The following ACADSB variants were observed in gnomAD, a reference collection of about 807,000 sequenced individuals.
The protein encoded by ACADSB is acyl-CoA dehydrogenase short/branched chain, also known as short/branched chain specific acyl-CoA dehydrogenase, mitochondrial.
ACADSB carries 40 observed loss-of-function variants against 54.1 expected under a neutral mutation model. The observed-to-expected ratio is 0.74, with a 90% CI of 0.57 to 0.96. The LOEUF (loss-of-function observed/expected upper bound fraction) is 0.96, where lower values mean the gene tolerates loss of function less well. Ranked by LOEUF, ACADSB falls within the 40% of genes least tolerant of loss-of-function variation. The pLI is 0.00. For synonymous variants in ACADSB, 182 were observed against 182.8 expected, an observed-to-expected ratio of 1.00 and a Z score of 0.03; for missense variants, 530 against 510.4, an observed-to-expected ratio of 1.04 and a Z score of -0.37.
In ACADSB at chr10:123,037,029, G is replaced by C. The variant is rs887190756; in HGVS notation, c.203-718G>C. ...TAAAAACATTAAAAAATGAAACAGC[G>C]GTTTTCAGTGGGGGCAAGTTTGCCC... On this transcript the variant is annotated intron_variant, in intron 2 of 10. Transcript: ENST00000358776. 2.0e-5 allele frequency among the ~76,000 whole-genome samples: 3 copies of C among 152,314 alleles called. No individual in the cohort carries two copies. The South Asian group carries it at 6.2e-4, about 32-fold the overall frequency.
At chr10:123,022,656 A>G (rs567360843) in intron 1 of ACADSB, among the ~76,000 whole-genome samples, 2 of 152,374 alleles carry the variant, frequency 1.3e-5, no homozygotes, top group African/African-American at 4.8e-5. Context: ...TTTCTGGCAT[A>G]TTCTGTATTC....
intron 1 of ACADSB, among the ~76,000 whole-genome samples, chr10:123,011,204 ATTTACTCACTTATTG>A (rs1369777956): frequency 6.6e-6 from 1 of 152,170 alleles, no homozygotes; most frequent in African/African-American, 2.4e-5. Flanking sequence ...GAAAGCTAGC[ATTTACTCACTTATTG>A]TAGACCAGGG....
At chr10:123,039,548 G>A (rs773068817) in intron 3 of ACADSB, among the ~76,000 whole-genome samples, 2 of 152,188 alleles carry the variant, frequency 1.3e-5, no homozygotes, top group Non-Finnish European at 2.9e-5. Context: ...GGCTAGTGTG[G>A]CTCTAGCAAA....
chr10:123,009,222 T>G (rs984095198), intron 1 of ACADSB, 151 bp downstream of exon 1: 4 of 893,100 alleles, frequency 4.5e-6, no homozygotes, highest in Non-Finnish European at 6.8e-6. Flanking sequence ...GCGGGCAGTC[T>G]ATGACCCCGA....
chr10:123,042,457 CTTTT>C (rs60480402), intron 5 of ACADSB, among the ~76,000 whole-genome samples: 1 of 115,792 alleles, frequency 8.6e-6, no homozygotes, highest in Non-Finnish European at 1.7e-5. Flanking sequence ...ATTGTTAAAA[CTTTT>C]TTTTTTTTTT....
chr10:123,056,722 T>C lies in ACADSB; in HGVS notation c.*2957T>C, dbSNP rs115456304. The stretch of plus-strand genomic sequence containing the variant: ...TTGCTTAGAATAATCATTACTGTTA[T>C]ATGAGAAACATTTTAGTAATTTAAT... On this transcript the variant is annotated 3_prime_UTR_variant, in exon 11 of 11. Transcript: ENST00000358776. 6.6e-6 allele frequency: 1 copy of C among 152,230 alleles called. No individual in the cohort carries two copies. The highest frequency in any genetic ancestry group is 1.5e-5 in the Non-Finnish European group (1 of 68,046). The allele number at this position is 152,230 out of a possible 1,614,324, so 9.4% of individuals were successfully genotyped here. A position where few individuals can be genotyped will look rare whatever the true frequency, so the allele number is the denominator to read the frequency against.
chr10:123,037,907 A>G (rs1467547412), intron 3 of ACADSB, 60 bp downstream of exon 3: 2 of 1,206,742 alleles, frequency 1.7e-6, no homozygotes, highest in Non-Finnish European at 2.5e-6. Context: ...GACTGTAATG[A>G]TAGCATAATG....
rs1850572312 is a variant in ACADSB at position 123,047,205 on chromosome 10, A to C, written c.901-4A>C. On this transcript the variant is annotated splice_polypyrimidine_tract_variant and splice_region_variant and intron_variant, in intron 7 of 10. Coordinates refer to ENST00000358776, the MANE Select transcript of ACADSB (RefSeq NM_001609.4). ...ATTCTGATCTTATTTTTTTGTTTTA[A>C]CAGATGCTGGGACTGGCGCAAGGAT... 6.3e-7 allele frequency: 1 copy of C among 1,597,244 alleles called. No homozygotes were observed. The highest frequency in any genetic ancestry group is 8.6e-7 in the Non-Finnish European group (1 of 1,164,616).
At chr10:123,043,515 A>G (rs1850504818) in intron 6 of ACADSB, among the ~76,000 whole-genome samples, 1 of 152,210 alleles carries the variant, frequency 6.6e-6, no homozygotes, top group South Asian at 2.1e-4. Context: ...TCAGTGCACT[A>G]AAGGCCACAA....
intron 5 of ACADSB, among the ~76,000 whole-genome samples, chr10:123,042,535 A>G (rs1047317885): frequency 6.6e-5 from 9 of 136,966 alleles, no homozygotes; most frequent in African/African-American, 2.8e-5. Context: ...ATCCCAGCTC[A>G]CTGCAACCTC....
intron 1 of ACADSB, among the ~76,000 whole-genome samples, chr10:123,026,885 G>C (rs566252111): frequency 6.6e-6 from 1 of 152,066 alleles, no homozygotes; most frequent in Non-Finnish European, 1.5e-5. Flanking sequence ...AAAGAAACAG[G>C]TTGCCTATGG....
At chr10:123,014,614 C>T (rs1003333173) in intron 1 of ACADSB, among the ~76,000 whole-genome samples, 31 of 152,342 alleles carry the variant, frequency 2.0e-4, no homozygotes, top group African/African-American at 7.2e-4. Flanking sequence ...TGTAGGTTTA[C>T]AACAGGGTTC....
chr10:123,047,104 C>T, intron 7 of ACADSB, 105 bp from the exon 8 acceptor site: 1 of 930,804 alleles, frequency 1.1e-6, no homozygotes. Context: ...TCCAGTTCTT[C>T]CCCTGCCCCA....
Position 123,025,332 on chromosome 10 carries a change from T to C in ACADSB, c.43-9024T>C, listed in dbSNP as rs149313758. Among the ~76,000 whole-genome samples, 236 of 151,946 alleles carry C rather than the reference T, an allele frequency of 1.6e-3. 2 individuals carry two copies. Among genetic ancestry groups the C allele is most frequent in the African/African-American group, 5.5e-3 (228 of 41,446 alleles). The stretch of plus-strand genomic sequence containing the variant: ...ACAACAAAAAATTAGCTGGGAATGG[T>C]GTGCACGTATAGTCCCAGCTACTTG... On this transcript the variant is annotated intron_variant, in intron 1 of 10. Coordinates refer to ENST00000358776, the MANE Select transcript of ACADSB (RefSeq NM_001609.4).
intron 7 of ACADSB, 57 bp downstream of exon 7, chr10:123,044,542 A>C: frequency 7.3e-7 from 1 of 1,361,248 alleles, no homozygotes; most frequent in Non-Finnish European, 1.0e-6. Flanking sequence ...GAAAAGAAAA[A>C]AATGCAATGA....
intron 7 of ACADSB, among the ~76,000 whole-genome samples, chr10:123,046,115 C>T (rs2133486953): frequency 6.6e-6 from 1 of 152,300 alleles, no homozygotes; most frequent in Admixed American, 6.5e-5. Flanking sequence ...GGTATAGTGA[C>T]ATCATCTTAT....
intron 1 of ACADSB, among the ~76,000 whole-genome samples, chr10:123,020,427 G>A (rs1244496640): frequency 2.0e-5 from 3 of 152,120 alleles, no homozygotes; most frequent in Admixed American, 1.3e-4. Flanking sequence ...GCCAACTCTG[G>A]GATTCCAAAT....
intron 8 of ACADSB, among the ~76,000 whole-genome samples, chr10:123,049,038 G>A (rs189663007): frequency 2.2e-4 from 34 of 152,284 alleles, no homozygotes; most frequent in African/African-American, 8.2e-4. Context: ...TAAAAATTTT[G>A]TGGGTACACA....
chr10:123,053,169 A>ATT lies in ACADSB; in HGVS notation c.1228+20_1228+21dup. Reference sequence around the variant, plus strand: ...CCGAGATGCAAAGATTGGTAAATAGATTTTTTTTTTTTACATTTTATTTTG... The same window carrying ATT: ...CCGAGATGCAAAGATTGGTAAATAGATTTTTTTTTTTTTTACATTTTATTTTG... On this transcript the variant is annotated intron_variant, in intron 10 of 10. Transcript: ENST00000358776. 7.9e-7 allele frequency: 1 copy of ATT among 1,271,408 alleles called. No individual in the cohort carries two copies. Among genetic ancestry groups the ATT allele is most frequent in the Non-Finnish European group, 1.1e-6 (1 of 905,718 alleles). The allele number at this position is 1,271,408 out of a possible 1,614,324, so 78.8% of individuals were successfully genotyped here.
Sources: allele counts gnomAD v4.1 joint callset (sites outside exome capture counted in the v4.1 genomes callset), GRCh38; gene constraint gnomAD v4.1.1; transcripts MANE v1.5; gene names NCBI Gene and HGNC (gene_info 2026-07-23, HGNC 2026-07-21).